The following TLN2 variants were observed in gnomAD, a reference collection of about 807,000 sequenced individuals.
The protein encoded by TLN2 is talin-2.
Under a neutral mutation model 294.7 loss-of-function variants are expected in TLN2, and 118 were observed. The observed-to-expected ratio is 0.40, with a 90% confidence interval of 0.34 to 0.47. The LOEUF (loss-of-function observed/expected upper bound fraction) is 0.47, where lower values mean the gene tolerates loss of function less well. TLN2 is among the 20% of genes least tolerant of loss of function. The pLI is 0.84. For missense variants in TLN2, 3,083 were observed against 3,282.2 expected (o/e 0.94, Z 1.48); for synonymous variants, 1,431 against 1,304.5 (o/e 1.10, Z -2.09).
chr15:62,495,649 G>C (rs918757185), intron 1 of TLN2, among the ~76,000 whole-genome samples: 1 of 152,244 alleles, frequency 6.6e-6, no homozygotes, highest in Non-Finnish European at 1.5e-5. Flanking sequence ...AGGAAAATTT[G>C]AAATGCTGGT....
At chr15:62,547,408 A>C (rs4775511) in intron 1 of TLN2, among the ~76,000 whole-genome samples, 35,396 of 152,068 alleles carry the variant, frequency 0.23, 4,522 homozygotes, top group East Asian at 0.55. Context: ...TATTCAGTGG[A>C]CATAGTACTG....
At chr15:62,426,702 C>A (rs866463535) in intron 1 of TLN2, among the ~76,000 whole-genome samples, 1 of 152,100 alleles carries the variant, frequency 6.6e-6, no homozygotes, top group African/African-American at 2.4e-5. Context: ...TCTAGTTGGT[C>A]CAAAGCTTCA....
chr15:62,761,924 T>C lies in TLN2; in HGVS notation c.4779+103T>C, dbSNP rs533763613. 6.3e-5 allele frequency: 91 copies of C among 1,442,242 alleles called. No homozygotes were observed. The Admixed American group carries it at 1.3e-3, about 21-fold the overall frequency. 89.3% of individuals were successfully genotyped at this position (1,442,242 alleles called of 1,614,324 possible). A position where few individuals can be genotyped will look rare whatever the true frequency, so the allele number is the denominator to read the frequency against. ...ACTCCAACAGCTCTCTCTGTCAACA[T>C]GTAGGCTACTGTTACTCTTGTCAAT... On this transcript the variant is annotated intron_variant, in intron 38 of 58. Coordinates refer to ENST00000636159, the MANE Select transcript of TLN2 (RefSeq NM_015059.3).
At chr15:62,658,732 A>C (rs1032009753) in intron 9 of TLN2, among the ~76,000 whole-genome samples, 18 of 152,254 alleles carry the variant, frequency 1.2e-4, no homozygotes, top group African/African-American at 3.6e-4. Context: ...TTCCTTCCTC[A>C]GGAACCTCGG....
chr15:62,793,514 G>T (rs901240348), intron 46 of TLN2, among the ~76,000 whole-genome samples: 20 of 152,142 alleles, frequency 1.3e-4, no homozygotes, highest in African/African-American at 4.8e-4. Flanking sequence ...AAAGTGCCTG[G>T]TACAGTGCCA....
intron 46 of TLN2, among the ~76,000 whole-genome samples, chr15:62,793,092 AGGAGCCCCTGGTCAGGGGAGGCCT>A (rs1192750560): frequency 1.3e-5 from 2 of 152,214 alleles, no homozygotes; most frequent in African/African-American, 4.8e-5. Flanking sequence ...ATCAGCAGCC[AGGAGCCCCTGGTCAGGGGAGGCCT>A]GGAGCCAGAG....
At chr15:62,821,367 A>G (rs961890220) in intron 54 of TLN2, among the ~76,000 whole-genome samples, 1 of 152,350 alleles carries the variant, frequency 6.6e-6, no homozygotes, top group East Asian at 1.9e-4. Flanking sequence ...CTGGTGGTGC[A>G]TGTAACTCAT....
intron 32 of TLN2, among the ~76,000 whole-genome samples, chr15:62,743,130 G>C (rs542771954): frequency 4.6e-5 from 7 of 152,262 alleles, no homozygotes; most frequent in Admixed American, 6.5e-5. Flanking sequence ...TTTCATCTGG[G>C]CCTAGAACAG....
At chr15:62,650,259 C>G in intron 5 of TLN2, 78 bp downstream of exon 5, 1 of 1,441,104 alleles carries the variant, frequency 6.9e-7, no homozygotes, top group Non-Finnish European at 9.7e-7. Context: ...CACGGTTACG[C>G]TATTTTGATT....
At chr15:62,613,327 A>T (rs578190815) in intron 2 of TLN2, among the ~76,000 whole-genome samples, 1 of 152,274 alleles carries the variant, frequency 6.6e-6, no homozygotes, top group East Asian at 1.9e-4. Context: ...ACACCTTTGT[A>T]ATTATTTAGA....
intron 1 of TLN2, among the ~76,000 whole-genome samples, chr15:62,564,779 C>T (rs1278959867): frequency 1.3e-5 from 2 of 151,472 alleles, no homozygotes; most frequent in African/African-American, 2.4e-5. Flanking sequence ...TGGTGTCGGG[C>T]GCCTGTACTT....
chr15:62,696,177 C>T (rs1297877270), intron 14 of TLN2, among the ~76,000 whole-genome samples: 2 of 152,138 alleles, frequency 1.3e-5, no homozygotes, highest in East Asian at 1.9e-4. Context: ...GGGATCCCCG[C>T]GTGGCTATCG....
At chr15:62,729,395 T>G (rs2060600203) in intron 28 of TLN2, among the ~76,000 whole-genome samples, 1 of 152,212 alleles carries the variant, frequency 6.6e-6, no homozygotes. Context: ...AAAATACTGT[T>G]TTCTTAAGCC....
At chr15:62,494,901 A>T (rs141982606) in intron 1 of TLN2, among the ~76,000 whole-genome samples, 1 of 152,250 alleles carries the variant, frequency 6.6e-6, no homozygotes, top group Non-Finnish European at 1.5e-5. Context: ...CCTGATGCAG[A>T]TGCTGCCCGC....
intron 1 of TLN2, among the ~76,000 whole-genome samples, chr15:62,563,069 T>C (rs1343758590): frequency 2.0e-5 from 3 of 151,876 alleles, no homozygotes; most frequent in East Asian, 3.9e-4. Context: ...TGTATAAGTA[T>C]TTTTTTTGTA....
intron 54 of TLN2, among the ~76,000 whole-genome samples, chr15:62,825,776 A>T (rs1034782838): frequency 4.9e-4 from 14 of 28,646 alleles, no homozygotes; most frequent in East Asian, 1.6e-3. Context: ...TATATTATAT[A>T]ATATATTATA....
intron 1 of TLN2, among the ~76,000 whole-genome samples, chr15:62,581,123 G>A (rs561233172): frequency 4.4e-4 from 67 of 152,122 alleles, no homozygotes; most frequent in Non-Finnish European, 7.1e-4. Flanking sequence ...CAAGTGATCC[G>A]CCTGCCTTGG....
chr15:62,410,872 G>C (rs1415360620), intron 1 of TLN2, among the ~76,000 whole-genome samples: 1 of 152,172 alleles, frequency 6.6e-6, no homozygotes. Flanking sequence ...TGACTCCTAG[G>C]CCAGTGCCCT....
intron 1 of TLN2, among the ~76,000 whole-genome samples, chr15:62,520,211 T>C (rs186820659): frequency 6.6e-6 from 1 of 152,364 alleles, no homozygotes; most frequent in East Asian, 1.9e-4. Context: ...AGCCAAACCA[T>C]ATCAGTGTCT....
Sources: gnomAD v4.1 joint callset for allele counts (sites outside exome capture counted in the v4.1 genomes callset) on GRCh38, gnomAD v4.1.1 for gene constraint, MANE v1.5 for transcripts, NCBI Gene and HGNC (gene_info 2026-07-23, HGNC 2026-07-21) for gene names.